Variants in VPS13B observed in about 807,000 individuals in gnomAD.
The protein encoded by VPS13B is vacuolar protein sorting 13 homolog B, also known as intermembrane lipid transfer protein VPS13B.
In VPS13B, 285 loss-of-function variants were observed where a neutral mutation model predicts 426.4. The observed-to-expected ratio is 0.67, with a 90% CI of 0.61 to 0.74. The LOEUF (loss-of-function observed/expected upper bound fraction) is 0.74. Among genes scored for constraint, VPS13B ranks in the 30% least tolerant of loss-of-function variants. The probability of loss-of-function intolerance (pLI) is 0.00; values close to 1 mark genes in which losing one functional copy is unlikely to be tolerated. For missense variants in VPS13B, 4,537 were observed against 4,782.6 expected, an observed-to-expected ratio of 0.95 and a Z score of 1.51; for synonymous variants, 1,676 against 1,676.4, an observed-to-expected ratio of 1.00 and a Z score of 0.01.
At chr8:99,137,953 C>T (rs1343804492) in intron 12 of VPS13B, among the ~76,000 whole-genome samples, 3 of 152,056 alleles carry the variant, frequency 2.0e-5, no homozygotes, top group East Asian at 1.9e-4. Flanking sequence ...TATTTTTAGG[C>T]TTCTCTTCTT....
chr8:99,530,141 CTATTTT>C (rs1822853894), intron 30 of VPS13B, among the ~76,000 whole-genome samples: 1 of 152,158 alleles, frequency 6.6e-6, no homozygotes, highest in Non-Finnish European at 1.5e-5. Flanking sequence ...ATGTTCAACT[CTATTTT>C]TAATTTTTAA....
At chr8:99,217,351 G>A (rs957098133) in intron 17 of VPS13B, among the ~76,000 whole-genome samples, 17 of 152,054 alleles carry the variant, frequency 1.1e-4, no homozygotes, top group African/African-American at 3.1e-4. Flanking sequence ...GCAGTAACAC[G>A]GTCAAGGACA....
At position 99,515,651 on chromosome 8, in the gene VPS13B, A is replaced by G. The variant is rs541052648; in HGVS notation, c.4633+4139A>G. ...CTTTGCAAATATGCATATTTTTAGC[A>G]ACAAACAACTTTTTAGTGGTGTTTT... On this transcript the variant is annotated intron_variant, in intron 29 of 61. Transcript: ENST00000357162. Among the ~76,000 whole-genome samples, 24 of 151,756 alleles carry G rather than the reference A, an allele frequency of 1.6e-4. No individual in the cohort carries two copies. The East Asian group carries it at 4.3e-3, about 27-fold the overall frequency.
chr8:99,046,227 T>C (rs1587958080), intron 3 of VPS13B, among the ~76,000 whole-genome samples: 1 of 152,310 alleles, frequency 6.6e-6, no homozygotes, highest in Non-Finnish European at 1.5e-5. Flanking sequence ...CCAGCAGTGT[T>C]TGTAGTTTTC....
At chr8:99,835,780 GC>G in intron 54 of VPS13B, 42 bp downstream of exon 54, 1 of 1,604,732 alleles carries the variant, frequency 6.2e-7, no homozygotes, top group Non-Finnish European at 8.5e-7. Flanking sequence ...AAAGAAAAAT[GC>G]CCTTTTCTGA....
At chr8:99,111,005 TATTA>T (rs1847333293) in intron 5 of VPS13B, 89 bp from the exon 6 acceptor site, 2 of 955,098 alleles carry the variant, frequency 2.1e-6, no homozygotes, top group Admixed American at 2.8e-5. Context: ...TTTCTGTTAT[TATTA>T]ATTTTATTAC....
At chr8:99,244,484 T>G (rs1563623083) in intron 17 of VPS13B, among the ~76,000 whole-genome samples, 1 of 152,240 alleles carries the variant, frequency 6.6e-6, no homozygotes, top group Non-Finnish European at 1.5e-5. Flanking sequence ...AAGTAGCATA[T>G]GCTAGATATA....
intron 22 of VPS13B, among the ~76,000 whole-genome samples, chr8:99,437,082 A>C (rs1414638814): frequency 6.6e-6 from 1 of 152,142 alleles, no homozygotes; most frequent in Non-Finnish European, 1.5e-5. Context: ...AAAATATAAA[A>C]CAGAAAACCC....
intron 21 of VPS13B, among the ~76,000 whole-genome samples, chr8:99,408,664 A>G (rs763656535): frequency 2.4e-4 from 36 of 152,280 alleles, no homozygotes; most frequent in Non-Finnish European, 4.9e-4. Flanking sequence ...TACAGGATAG[A>G]TCCAGACAAT....
At chr8:99,664,565 G>T (rs1013319869) in intron 35 of VPS13B, among the ~76,000 whole-genome samples, 1 of 152,148 alleles carries the variant, frequency 6.6e-6, no homozygotes, top group Non-Finnish European at 1.5e-5. Context: ...AGAACATGCG[G>T]TGTTTGGGTT....
At chr8:99,551,131 T>G (rs2133752986) in intron 30 of VPS13B, among the ~76,000 whole-genome samples, 1 of 152,184 alleles carries the variant, frequency 6.6e-6, no homozygotes, top group African/African-American at 2.4e-5. Flanking sequence ...GAGGACAGAT[T>G]TGTCAGTTTC....
chr8:99,603,950 C>G (rs1827445022), intron 33 of VPS13B, among the ~76,000 whole-genome samples: 1 of 152,006 alleles, frequency 6.6e-6, no homozygotes, highest in African/African-American at 2.4e-5. Context: ...AACTTTTAGC[C>G]TAGTAAATAT....
chr8:99,761,947 A>G (rs964986500), intron 39 of VPS13B, among the ~76,000 whole-genome samples: 1 of 152,192 alleles, frequency 6.6e-6, no homozygotes, highest in Non-Finnish European at 1.5e-5. Flanking sequence ...AGGTGACTAT[A>G]TCATTAAATT....
chr8:99,743,672 C>T (rs946726726), intron 39 of VPS13B, among the ~76,000 whole-genome samples: 14 of 152,156 alleles, frequency 9.2e-5, no homozygotes, highest in Admixed American at 5.2e-4. Context: ...AATGCAGCAG[C>T]GTACCTACAA....
intron 36 of VPS13B, among the ~76,000 whole-genome samples, chr8:99,701,010 C>A (rs993711875): frequency 3.9e-5 from 6 of 152,166 alleles, no homozygotes; most frequent in Non-Finnish European, 8.8e-5. Flanking sequence ...TGTAGACTTA[C>A]TGTAACTTAG....
chr8:99,649,851 G>A (rs1257926505), intron 34 of VPS13B, among the ~76,000 whole-genome samples: 1 of 152,136 alleles, frequency 6.6e-6, no homozygotes, highest in African/African-American at 2.4e-5. Context: ...TCACTCTCGA[G>A]TTAAACTTAT....
intron 5 of VPS13B, among the ~76,000 whole-genome samples, chr8:99,110,563 T>C (rs1847306156): frequency 6.6e-6 from 1 of 152,058 alleles, no homozygotes; most frequent in Non-Finnish European, 1.5e-5. Flanking sequence ...ACTTGAAATA[T>C]AGCTAGTGCA....
In VPS13B at chr8:99,661,417, G is replaced by A; in HGVS notation, c.5972G>A (p.Gly1991Glu). 6.2e-7 allele frequency: 1 copy of A among 1,613,756 alleles called. No homozygotes were observed. Reference protein sequence around the residue: ...YCTVWLQTVPGEIDSKSGIPP... With the variant: ...YCTVWLQTVPEEIDSKSGIPP... ...ACTGTTTGGCTACAGACAGTGCCTG[G>A]AGAAATAGACAGCAAAAGTGGTATT... Residue 1991 changes from glycine to glutamate, a missense_variant, in exon 35 of 62, where the codon GGA becomes GAA. This residue lies in a region of VPS13B where 4,311 missense variants were observed against 4,474.3 expected (regional missense o/e 0.96). Transcript: ENST00000357162.
At chr8:99,769,247 G>C (rs992926663) in intron 40 of VPS13B, among the ~76,000 whole-genome samples, 1 of 152,104 alleles carries the variant, frequency 6.6e-6, no homozygotes, top group Admixed American at 6.5e-5. Context: ...TTTTCAGATA[G>C]AAGTTGATAT....
Sources: allele counts gnomAD v4.1 joint callset (sites outside exome capture counted in the v4.1 genomes callset), GRCh38; gene constraint gnomAD v4.1.1; regional missense constraint gnomAD v4.1.1; transcripts MANE v1.5; gene names NCBI Gene and HGNC (gene_info 2026-07-23, HGNC 2026-07-21).